ROBO1: variants seen among roughly 807,000 people sequenced by gnomAD.
ROBO1 encodes the protein roundabout guidance receptor 1, also known as roundabout homolog 1.
Under a neutral mutation model 195.9 loss-of-function variants are expected in ROBO1, and 149 were observed. The ratio of observed to expected loss-of-function variants is 0.76; its 90% CI spans 0.67 to 0.87. The LOEUF is 0.87. ROBO1 is among the 40% of genes least tolerant of loss of function. The pLI, the probability that ROBO1 is intolerant of heterozygous loss-of-function variation, is 0.00. For missense variants in ROBO1, 1,933 were observed against 2,068.3 expected, an observed-to-expected ratio of 0.93 and a Z score of 1.27; for synonymous variants, 816 against 733.2, an observed-to-expected ratio of 1.11 and a Z score of -1.82.
intron 4 of ROBO1, among the ~76,000 whole-genome samples, chr3:78,842,822 G>A (rs2033365106): frequency 6.6e-6 from 1 of 151,606 alleles, no homozygotes; most frequent in African/African-American, 2.4e-5. Context: ...ATAATTACAG[G>A]TGCATATACT....
At chr3:79,372,815 A>G (rs2036247783) in intron 2 of ROBO1, among the ~76,000 whole-genome samples, 1 of 152,184 alleles carries the variant, frequency 6.6e-6, no homozygotes, top group South Asian at 2.1e-4. Context: ...ATCATATAAC[A>G]TGTAAAACAT....
chr3:78,622,531 C>T (rs1704516377), intron 26 of ROBO1, among the ~76,000 whole-genome samples: 1 of 152,192 alleles, frequency 6.6e-6, no homozygotes, highest in Non-Finnish European at 1.5e-5. Context: ...AGCTACATAT[C>T]TGGCCATGGC....
intron 4 of ROBO1, among the ~76,000 whole-genome samples, chr3:78,884,635 G>A (rs2036403809): frequency 5.4e-5 from 4 of 74,550 alleles, no homozygotes; most frequent in African/African-American, 2.1e-4. Context: ...GAAAGAAAGA[G>A]AAAGAAAGAA....
chr3:78,763,606 C>G (rs2083158028), intron 4 of ROBO1, among the ~76,000 whole-genome samples: 1 of 152,138 alleles, frequency 6.6e-6, no homozygotes, highest in African/African-American at 2.4e-5. Flanking sequence ...CATTCCCAAA[C>G]TCCACACCAT....
intron 14 of ROBO1, among the ~76,000 whole-genome samples, chr3:78,662,708 C>G (rs187504226): frequency 7.4e-4 from 113 of 152,178 alleles, no homozygotes; most frequent in Non-Finnish European, 1.2e-3. Context: ...TAAAATAAAG[C>G]TGATTAGACT....
intron 2 of ROBO1, among the ~76,000 whole-genome samples, chr3:79,152,473 G>A (rs2080790147): frequency 1.3e-5 from 2 of 151,764 alleles, no homozygotes; most frequent in South Asian, 4.1e-4. Context: ...CAAAGAAAGT[G>A]TGCCCTCATT....
chr3:79,712,185 A>C (rs1249283282), intron 1 of ROBO1, among the ~76,000 whole-genome samples: 1 of 152,158 alleles, frequency 6.6e-6, no homozygotes, highest in Non-Finnish European at 1.5e-5. Context: ...GAAATGATTA[A>C]GCTTGGTGAG....
intron 3 of ROBO1, among the ~76,000 whole-genome samples, chr3:79,125,118 TCCTTTATGATAAAAA>T (rs1306942715): frequency 6.6e-6 from 1 of 152,146 alleles, no homozygotes; most frequent in Non-Finnish European, 1.5e-5. Flanking sequence ...AGTGTTTTTT[TCCTTTATGATAAAAA>T]CTTAGTCAAA....
intron 1 of ROBO1, among the ~76,000 whole-genome samples, chr3:79,701,081 G>A (rs1168701384): frequency 6.6e-6 from 1 of 151,752 alleles, no homozygotes; most frequent in Non-Finnish European, 1.5e-5. Context: ...CGAATAGAGA[G>A]TCCTTTACAC....
chr3:79,151,321 A>C (rs976440257), intron 2 of ROBO1, among the ~76,000 whole-genome samples: 13 of 151,928 alleles, frequency 8.6e-5, no homozygotes, highest in African/African-American at 2.4e-4. Context: ...CTCATCTTGC[A>C]AACCAAAAAT....
chr3:78,924,594 AGT>A (rs1156534201), intron 4 of ROBO1, among the ~76,000 whole-genome samples: 8 of 150,134 alleles, frequency 5.3e-5, no homozygotes, highest in Admixed American at 1.3e-4. Flanking sequence ...ATATTTCTTC[AGT>A]GTGTGTGTGT....
chr3:78,803,479 A>G (rs548222728), intron 4 of ROBO1, among the ~76,000 whole-genome samples: 3 of 152,244 alleles, frequency 2.0e-5, no homozygotes, highest in African/African-American at 4.8e-5. Context: ...CGAGGCATGA[A>G]TAACTCTTAT....
At chr3:78,746,614 A>C (rs980722809) in intron 5 of ROBO1, 129 bp downstream of exon 5, 7 of 699,790 alleles carry the variant, frequency 1.0e-5, no homozygotes, top group Non-Finnish European at 1.5e-5. Flanking sequence ...TTTTAAAAGA[A>C]AAGCTGAACA....
chr3:79,648,286 G>A (rs537891957), intron 1 of ROBO1, among the ~76,000 whole-genome samples: 104 of 152,166 alleles, frequency 6.8e-4, no homozygotes, highest in South Asian at 2.7e-3. Context: ...GCCATCTTCT[G>A]TTATTAGATC....
In ROBO1 at chr3:79,742,593, G is replaced by A. The variant is rs114643407; in HGVS notation, c.-51+25159C>T. 7.3e-3 allele frequency among the ~76,000 whole-genome samples: 1,112 copies of A among 152,144 alleles called. 13 individuals carry two copies. Among genetic ancestry groups the A allele is most frequent in the African/African-American group, 0.025 (1,050 of 41,494 alleles). Reference sequence around the variant, plus strand: ...CTTCTGCCATGATTGTAAATTTCCCGAGGGTTCCCCAGCCTCACCTCCTGT... The same window carrying A: ...CTTCTGCCATGATTGTAAATTTCCCAAGGGTTCCCCAGCCTCACCTCCTGT... On this transcript the variant is annotated intron_variant, in intron 1 of 30. Transcript: ENST00000464233.
chr3:79,296,310 A>C (rs1207568309), intron 2 of ROBO1, among the ~76,000 whole-genome samples: 1 of 152,222 alleles, frequency 6.6e-6, no homozygotes, highest in African/African-American at 2.4e-5. Flanking sequence ...AGAGAGTATA[A>C]AATATGCAAA....
intron 3 of ROBO1, among the ~76,000 whole-genome samples, chr3:79,023,532 T>C (rs1201959863): frequency 6.6e-6 from 1 of 152,146 alleles, no homozygotes; most frequent in African/African-American, 2.4e-5. Flanking sequence ...CTTTTAACAG[T>C]ATTACTTTTG....
intron 3 of ROBO1, among the ~76,000 whole-genome samples, chr3:78,943,572 G>C (rs1258889105): frequency 6.6e-6 from 1 of 152,200 alleles, no homozygotes; most frequent in Admixed American, 6.5e-5. Flanking sequence ...CTTCAAGGAA[G>C]AGTTGCAGTT....
At chr3:79,248,350 A>C (rs2082660940) in intron 2 of ROBO1, among the ~76,000 whole-genome samples, 1 of 145,202 alleles carries the variant, frequency 6.9e-6, no homozygotes, top group Admixed American at 7.0e-5. Flanking sequence ...CCTAATAGAT[A>C]AGGTCCTAGA....
Sources: gnomAD v4.1 joint callset for allele counts (sites outside exome capture counted in the v4.1 genomes callset) on GRCh38, gnomAD v4.1.1 for gene constraint, MANE v1.5 for transcripts, NCBI Gene and HGNC (gene_info 2026-07-23, HGNC 2026-07-21) for gene names.